Variants in FHIT observed in about 807,000 individuals in gnomAD.
FHIT encodes the protein fragile histidine triad diadenosine triphosphatase.
In FHIT, 19 loss-of-function variants were observed where a neutral mutation model predicts 17.9. The observed-to-expected ratio is 1.06, with a 90% CI of 0.74 to 1.56. FHIT has a LOEUF of 1.56. FHIT is among the 40% of genes most tolerant of loss of function. FHIT has a pLI of 0.00. For missense variants in FHIT, 248 were observed against 189.2 expected (o/e 1.31, Z -1.82); for synonymous variants, 81 against 69.7 (o/e 1.16, Z -0.81).
rs200090772 is a variant in FHIT, at chr3:60,436,043, C to CTT, written c.103+100815_103+100816dup. Among the ~76,000 whole-genome samples the CTT allele has an allele frequency of 1.3e-3, 197 of 151,918 alleles. 1 individual carries two copies. The East Asian group carries it at 0.03, about 23-fold the overall frequency. ...CATGTGTATATGTACCACATTTTTT[C>CTT]TTTTTTCTTTTCTTTTTGAGATGGA... On this transcript the variant is annotated intron_variant, in intron 5 of 9. Coordinates refer to ENST00000492590, the MANE Select transcript of FHIT (RefSeq NM_002012.4).
chr3:61,039,129 A>G (rs950930683), intron 3 of FHIT, among the ~76,000 whole-genome samples: 11 of 152,366 alleles, frequency 7.2e-5, no homozygotes, highest in East Asian at 1.9e-4. Flanking sequence ...CAGGAAGGCT[A>G]CAATTGGCCG....
At chr3:60,844,339 A>C (rs1441247604) in intron 3 of FHIT, among the ~76,000 whole-genome samples, 1 of 152,076 alleles carries the variant, frequency 6.6e-6, no homozygotes, top group Non-Finnish European at 1.5e-5. Flanking sequence ...AATCCTGGGG[A>C]ATAGATTTTC....
At chr3:59,775,968 T>A (rs901181229) in intron 8 of FHIT, among the ~76,000 whole-genome samples, 1 of 152,214 alleles carries the variant, frequency 6.6e-6, no homozygotes, top group African/African-American at 2.4e-5. Context: ...TTGATTCTCA[T>A]TCTCCATGAT....
chr3:60,089,539 G>A (rs376752764), intron 5 of FHIT, among the ~76,000 whole-genome samples: 2 of 152,110 alleles, frequency 1.3e-5, no homozygotes, highest in Admixed American at 6.5e-5. Context: ...CAAGCTTCTG[G>A]GTTATGAACC....
At chr3:60,295,010 G>C (rs1254890086) in intron 5 of FHIT, among the ~76,000 whole-genome samples, 1 of 152,110 alleles carries the variant, frequency 6.6e-6, no homozygotes, top group Non-Finnish European at 1.5e-5. Flanking sequence ...TTTTTGTGTG[G>C]ATCCAAGTTT....
At chr3:60,893,763 G>A (rs1472912824) in intron 3 of FHIT, among the ~76,000 whole-genome samples, 1 of 152,164 alleles carries the variant, frequency 6.6e-6, no homozygotes, top group Non-Finnish European at 1.5e-5. Context: ...CCAAGGCCAT[G>A]CCCATCTGGG....
At chr3:60,832,579 G>GA (rs1702368368) in intron 3 of FHIT, among the ~76,000 whole-genome samples, 1 of 151,756 alleles carries the variant, frequency 6.6e-6, no homozygotes, top group African/African-American at 2.4e-5. Flanking sequence ...AAACCAGCAA[G>GA]AAAGAGATAC....
At chr3:60,002,428 C>T (rs539735286) in intron 7 of FHIT, among the ~76,000 whole-genome samples, 12 of 152,176 alleles carry the variant, frequency 7.9e-5, no homozygotes, top group Admixed American at 1.3e-4. Context: ...CTTTGGAGAA[C>T]GGATCTATTA....
intron 5 of FHIT, among the ~76,000 whole-genome samples, chr3:60,325,755 G>A (rs1211458122): frequency 6.6e-6 from 1 of 152,220 alleles, no homozygotes; most frequent in Non-Finnish European, 1.5e-5. Context: ...ATAAAATTCA[G>A]TCAGTGTCCT....
chr3:60,369,527 C>T (rs772021338), intron 5 of FHIT, among the ~76,000 whole-genome samples: 1 of 152,114 alleles, frequency 6.6e-6, no homozygotes, highest in African/African-American at 2.4e-5. Context: ...ATCTTTTCTT[C>T]CCTTAACATA....
chr3:60,840,937 CATCTT>C (rs1160300056), intron 3 of FHIT, among the ~76,000 whole-genome samples: 6 of 152,144 alleles, frequency 3.9e-5, no homozygotes, highest in African/African-American at 1.4e-4. Context: ...GAGTTAGTAT[CATCTT>C]ATCATGTACA....
chr3:60,042,182 A>G (rs1701469021), intron 5 of FHIT, among the ~76,000 whole-genome samples: 1 of 152,206 alleles, frequency 6.6e-6, no homozygotes, highest in Non-Finnish European at 1.5e-5. Flanking sequence ...AAGGCATTAG[A>G]AATTTATTAG....
chr3:60,087,708 C>G (rs2107077793), intron 5 of FHIT, among the ~76,000 whole-genome samples: 1 of 152,290 alleles, frequency 6.6e-6, no homozygotes, highest in East Asian at 1.9e-4. Context: ...TGACAGTTCC[C>G]AGTAAGTTTT....
intron 5 of FHIT, among the ~76,000 whole-genome samples, chr3:60,451,160 TA>T (rs9311764): frequency 0.077 from 8,434 of 109,092 alleles, 741 homozygotes; most frequent in African/African-American, 0.22. Flanking sequence ...ATTTTTACTT[TA>T]TTTTTTTTAA....
At chr3:61,217,661 A>G (rs771744300) in intron 1 of FHIT, among the ~76,000 whole-genome samples, 3 of 152,188 alleles carry the variant, frequency 2.0e-5, no homozygotes, top group African/African-American at 4.8e-5. Context: ...TTACACTGTA[A>G]GAAGAGCACA....
chr3:60,664,934 C>A (rs1257076775), intron 4 of FHIT, among the ~76,000 whole-genome samples: 2 of 151,592 alleles, frequency 1.3e-5, no homozygotes, highest in Non-Finnish European at 1.5e-5. Context: ...CATTGACTAC[C>A]TTTTTCTTAT....
At chr3:61,217,999 G>T (rs910673971) in intron 1 of FHIT, among the ~76,000 whole-genome samples, 1 of 152,172 alleles carries the variant, frequency 6.6e-6, no homozygotes, top group Non-Finnish European at 1.5e-5. Context: ...CACTAATTTG[G>T]TTGTGGATAC....
At chr3:60,755,719 A>C (rs191910915) in intron 4 of FHIT, among the ~76,000 whole-genome samples, 98 of 152,300 alleles carry the variant, frequency 6.4e-4, no homozygotes, top group African/African-American at 2.3e-3. Context: ...ATAACATGTA[A>C]AGAGGGCCTG....
intron 3 of FHIT, among the ~76,000 whole-genome samples, chr3:60,882,633 T>C (rs1276451473): frequency 3.3e-5 from 5 of 152,114 alleles, no homozygotes; most frequent in African/African-American, 1.2e-4. Flanking sequence ...ATCATCTCAA[T>C]AGATGCAGAA....
Sources: gnomAD v4.1 joint callset for allele counts (sites outside exome capture counted in the v4.1 genomes callset) on GRCh38, gnomAD v4.1.1 for gene constraint, MANE v1.5 for transcripts, NCBI Gene and HGNC (gene_info 2026-07-23, HGNC 2026-07-21) for gene names.